Variants in GRSF1 observed in about 807,000 individuals in gnomAD.
The protein encoded by GRSF1 is G-rich sequence factor 1.
GRSF1 carries 50 observed loss-of-function variants against 51.1 expected under a neutral mutation model. That is an observed-to-expected ratio of 0.98 (90% CI 0.78 to 1.24). The LOEUF (loss-of-function observed/expected upper bound fraction) is 1.24, where lower values mean the gene tolerates loss of function less well. GRSF1 is among the 50% of genes most tolerant of loss of function. The pLI, the probability that GRSF1 is intolerant of heterozygous loss-of-function variation, is 0.00. For missense variants in GRSF1, 700 were observed against 639.7 expected, an observed-to-expected ratio of 1.09 and a Z score of -1.02; for synonymous variants, 293 against 253.3, an observed-to-expected ratio of 1.16 and a Z score of -1.49.
At position 70,817,486 on chromosome 4, in the gene GRSF1, G is replaced by A. The variant is rs893607453; in HGVS notation, c.*3401C>T. 11 of 152,160 alleles carry A rather than the reference G, an allele frequency of 7.2e-5. No individual in the cohort carries two copies. Among genetic ancestry groups the A allele is most frequent in the African/African-American group, 2.4e-4 (10 of 41,432 alleles). 9.4% of individuals were successfully genotyped at this position (152,160 alleles called of 1,614,324 possible). A position where few individuals can be genotyped will look rare whatever the true frequency, so the allele number is the denominator to read the frequency against. On this transcript the variant is annotated 3_prime_UTR_variant, in exon 10 of 10. Transcript: ENST00000254799. ...ACTAAAATTCTGGACAGAAAATCCA[G>A]ACACCTCACCAATGATGATATAAGG... is the stretch of plus-strand genomic sequence containing the variant.
chr4:70,832,503 A>G, intron 3 of GRSF1, 53 bp from the exon 4 acceptor site: 1 of 1,090,986 alleles, frequency 9.2e-7, no homozygotes, highest in Non-Finnish European at 1.3e-6. Context: ...AAAGGAACAA[A>G]CCCATTAAAA....
intron 7 of GRSF1, 72 bp downstream of exon 7, chr4:70,826,052 C>T: frequency 1.5e-6 from 2 of 1,314,798 alleles, no homozygotes; most frequent in Non-Finnish European, 2.2e-6. Flanking sequence ...CTACCTTCCC[C>T]AAATTAATAC....
chr4:70,815,886 G>A lies in GRSF1; in HGVS notation c.*5001C>T, dbSNP rs1351302115. ...CTAACAGGTGAAACGTTAAAATGTG[G>A]CATTCATACATAGAACACTGCTCAG... On this transcript the variant is annotated 3_prime_UTR_variant, in exon 10 of 10. Coordinates refer to ENST00000254799, the MANE Select transcript of GRSF1 (RefSeq NM_002092.4). The A allele has an allele frequency of 2.6e-5, 4 of 152,108 alleles. No homozygotes were observed. In the East Asian group the frequency reaches 7.7e-4, roughly 29 times the overall value. 9.4% of individuals were successfully genotyped at this position (152,108 alleles called of 1,614,324 possible). A position where few individuals can be genotyped will look rare whatever the true frequency, so the allele number is the denominator to read the frequency against.
chr4:70,820,108 T>C lies in GRSF1; in HGVS notation c.*779A>G, dbSNP rs563187658. On this transcript the variant is annotated 3_prime_UTR_variant, in exon 10 of 10. Coordinates refer to ENST00000254799, the MANE Select transcript of GRSF1 (RefSeq NM_002092.4). ...TGTTCTGACATGTCACTTCACAGTTTTGAGACTAACAAACACCCTTAGGTC... is the reference window on the plus strand; with the variant it reads ...TGTTCTGACATGTCACTTCACAGTTCTGAGACTAACAAACACCCTTAGGTC... 6.6e-6 allele frequency: 1 copy of C among 152,302 alleles called. No individual in the cohort carries two copies. The highest frequency in any genetic ancestry group is 6.5e-5 in the Admixed American group (1 of 15,284). 9.4% of individuals were successfully genotyped at this position (152,302 alleles called of 1,614,324 possible). A position where few individuals can be genotyped will look rare whatever the true frequency, so the allele number is the denominator to read the frequency against.
rs967110085 is a variant in GRSF1 at position 70,815,788 on chromosome 4, C to T, written c.*5099G>A. On this transcript the variant is annotated 3_prime_UTR_variant, in exon 10 of 10. Transcript: ENST00000254799. Reference sequence around the variant, plus strand: ...AATGTAGGTTCACAAAAAGGTTGTACATGTTCATACCAACTTTATTCATGA... The same window carrying T: ...AATGTAGGTTCACAAAAAGGTTGTATATGTTCATACCAACTTTATTCATGA... 2.0e-5 allele frequency: 3 copies of T among 152,188 alleles called. No individual in the cohort carries two copies. Among genetic ancestry groups the T allele is most frequent in the Admixed American group, 2.0e-4 (3 of 15,282 alleles). 9.4% of individuals were successfully genotyped at this position (152,188 alleles called of 1,614,324 possible). A position where few individuals can be genotyped will look rare whatever the true frequency, so the allele number is the denominator to read the frequency against.
intron 5 of GRSF1, 108 bp from the exon 6 acceptor site, chr4:70,828,144 C>CATA (rs1395184703): frequency 2.6e-6 from 2 of 781,664 alleles, no homozygotes; most frequent in Non-Finnish European, 2.1e-6. Flanking sequence ...TTATGAAACA[C>CATA]AGGTGTCAAA....
intron 9 of GRSF1, among the ~76,000 whole-genome samples, chr4:70,822,504 A>T (rs1267251686): frequency 6.6e-6 from 1 of 151,022 alleles, no homozygotes; most frequent in Non-Finnish European, 1.5e-5. Flanking sequence ...AATCACTTGA[A>T]CCCGGGAGGC....
At position 70,839,633 on chromosome 4, in the gene GRSF1, G is replaced by T; in HGVS notation, c.195C>A (p.Gly65=). The T allele has an allele frequency of 7.1e-7, 1 of 1,401,070 alleles. No homozygotes were observed. The highest frequency in any genetic ancestry group is 9.2e-7 in the Non-Finnish European group (1 of 1,089,490). 86.8% of individuals were successfully genotyped at this position (1,401,070 alleles called of 1,614,324 possible). A position where few individuals can be genotyped will look rare whatever the true frequency, so the allele number is the denominator to read the frequency against. ...AAAAAASQTR[G]LQTGPVPPGR... ...CGGGAGGCACAGGCCCGGTCTGGAG[G>T]CCACGCGTCTGGGAGGCAGCGGCCG... is the stretch of plus-strand genomic sequence containing the variant. Residue 65 remains glycine, a synonymous_variant, in exon 1 of 10, where the codon GGC becomes GGA. Transcript: ENST00000254799.
chr4:70,824,182 G>C (rs1461549486), intron 9 of GRSF1, 112 bp downstream of exon 9: 2 of 491,742 alleles, frequency 4.1e-6, no homozygotes, highest in African/African-American at 2.0e-5. Flanking sequence ...TGTTGGCCAG[G>C]CTGGCTTGAA....
chr4:70,822,424 T>C lies in GRSF1; in HGVS notation c.*26-1563A>G, dbSNP rs1393346396. Among the ~76,000 whole-genome samples, 4 of 151,002 alleles carry C rather than the reference T, an allele frequency of 2.6e-5. No individual in the cohort carries two copies. In the East Asian group the frequency reaches 7.9e-4, roughly 30 times the overall value. ...ATGGTGAAACCCCGTCTCTACTAAA[T>C]ATACAAAAATTAGCTGGATGTGGTA... On this transcript the variant is annotated intron_variant, in intron 9 of 9. Coordinates refer to ENST00000254799, the MANE Select transcript of GRSF1 (RefSeq NM_002092.4).
intron 1 of GRSF1, chr4:70,839,004 G>T: frequency 2.0e-6 from 1 of 511,484 alleles, no homozygotes; most frequent in Non-Finnish European, 3.1e-6. Context: ...CTGTGTGCGC[G>T]CACCTTCCCA....
upstream of GRSF1, among the ~76,000 whole-genome samples, chr4:70,841,599 T>C (rs895040167): frequency 6.6e-6 from 1 of 152,256 alleles, no homozygotes; most frequent in Admixed American, 6.5e-5. Context: ...TTGTTTCATC[T>C]ATCCCCTACC....
chr4:70,818,447 C>T lies in GRSF1; in HGVS notation c.*2440G>A, dbSNP rs937101552. ...TTGCCTTCAAACTGGGTTCCTTATG[C>T]TTCCCCCTTCAAGTAACACAGAAGT... On this transcript the variant is annotated 3_prime_UTR_variant, in exon 10 of 10. Coordinates refer to ENST00000254799, the MANE Select transcript of GRSF1 (RefSeq NM_002092.4). The T allele has an allele frequency of 6.6e-6, 1 of 152,164 alleles. No individual in the cohort carries two copies. The highest frequency in any genetic ancestry group is 1.5e-5 in the Non-Finnish European group (1 of 68,028). 9.4% of individuals were successfully genotyped at this position (152,164 alleles called of 1,614,324 possible). A position where few individuals can be genotyped will look rare whatever the true frequency, so the allele number is the denominator to read the frequency against.
Position 70,817,602 on chromosome 4 carries a change from T to C in GRSF1, c.*3285A>G, listed in dbSNP as rs1402537832. ...ACCACTATTCACCCATTAGCTAAAA[T>C]GCAAGAGTGACATCACCAAATACTA... On this transcript the variant is annotated 3_prime_UTR_variant, in exon 10 of 10. Coordinates refer to ENST00000254799, the MANE Select transcript of GRSF1 (RefSeq NM_002092.4). 1 of 152,166 alleles carries C rather than the reference T, an allele frequency of 6.6e-6. No homozygotes were observed. The highest frequency in any genetic ancestry group is 1.9e-4 in the East Asian group (1 of 5,200). 9.4% of individuals were successfully genotyped at this position (152,166 alleles called of 1,614,324 possible).
rs184515877 is a variant in GRSF1 at position 70,828,235 on chromosome 4, G to A, written c.951-199C>T. On this transcript the variant is annotated intron_variant, in intron 5 of 9. Coordinates refer to ENST00000254799, the MANE Select transcript of GRSF1 (RefSeq NM_002092.4). ...ACAACAGAGTAGGTCACTGATTTAA[G>A]TTTTTGCATCAAGGTAACACTTTTT... Among the ~76,000 whole-genome samples, 497 of 152,278 alleles carry A rather than the reference G, an allele frequency of 3.3e-3. 3 individuals carry two copies. The highest frequency in any genetic ancestry group is 5.7e-3 in the Non-Finnish European group (386 of 68,020).
At chr4:70,827,831 C>G in intron 6 of GRSF1, 21 bp downstream of exon 6, 1 of 1,555,190 alleles carries the variant, frequency 6.4e-7, no homozygotes, top group Non-Finnish European at 8.8e-7. Context: ...CAATGAGTCT[C>G]AAGAAGAGGC....
intron 5 of GRSF1, 48 bp from the exon 6 acceptor site, chr4:70,828,084 T>C (rs1053449570): frequency 2.3e-6 from 3 of 1,292,952 alleles, no homozygotes; most frequent in African/African-American, 2.9e-5. Context: ...AAAGTAACTT[T>C]ATACTGAACT....
chr4:70,840,271 A>C (rs559374598), upstream of GRSF1, among the ~76,000 whole-genome samples: 2 of 152,170 alleles, frequency 1.3e-5, no homozygotes, highest in Non-Finnish European at 2.9e-5. Flanking sequence ...AAGTGGGTGC[A>C]ATCGAACTGC....
chr4:70,828,163 G>A, intron 5 of GRSF1, 127 bp from the exon 6 acceptor site: 1 of 682,978 alleles, frequency 1.5e-6, no homozygotes, highest in Non-Finnish European at 2.5e-6. Context: ...AAAGATAACA[G>A]GTAGGGAAAA....
Sources: gnomAD v4.1 joint callset for allele counts (sites outside exome capture counted in the v4.1 genomes callset) on GRCh38, gnomAD v4.1.1 for gene constraint, MANE v1.5 for transcripts, NCBI Gene and HGNC (gene_info 2026-07-23, HGNC 2026-07-21) for gene names.